The following NMNAT3 variants were observed in gnomAD, a reference collection of about 807,000 sequenced individuals.
NMNAT3 encodes nicotinamide/nicotinic acid mononucleotide adenylyltransferase 3.
Under a neutral mutation model 24.8 loss-of-function variants are expected in NMNAT3, and 21 were observed. That is an observed-to-expected ratio of 0.85 (90% CI 0.60 to 1.22). The LOEUF (loss-of-function observed/expected upper bound fraction) is 1.22. Among genes scored for constraint, NMNAT3 ranks in the 50% most tolerant of loss-of-function variants. The pLI is 0.00. For missense variants in NMNAT3, 387 were observed against 436.6 expected (o/e 0.89, Z 1.01); for synonymous variants, 136 against 155.2 (o/e 0.88, Z 0.92).
At chr3:139,630,547 AAG>A (rs1559930646) in intron 2 of NMNAT3, among the ~76,000 whole-genome samples, 1 of 152,172 alleles carries the variant, frequency 6.6e-6, no homozygotes, top group East Asian at 1.9e-4. Context: ...TTAGGAAGGG[AAG>A]TGGTGTTTTC....
intron 3 of NMNAT3, among the ~76,000 whole-genome samples, chr3:139,616,743 C>A (rs1450293062): frequency 6.6e-6 from 1 of 152,184 alleles, no homozygotes; most frequent in Non-Finnish European, 1.5e-5. Context: ...TCCCTCTGAA[C>A]TGGTTTCTCT....
chr3:139,575,624 G>T, intron 5 of NMNAT3: 1 of 1,013,384 alleles, frequency 9.9e-7, no homozygotes, highest in Non-Finnish European at 1.2e-6. Flanking sequence ...TTGAATATTA[G>T]CTGGATCTCT....
intron 3 of NMNAT3, among the ~76,000 whole-genome samples, chr3:139,594,431 A>G (rs2054347952): frequency 6.6e-6 from 1 of 152,244 alleles, no homozygotes; most frequent in South Asian, 2.1e-4. Flanking sequence ...CAATCAATAG[A>G]AAAAGAGGGA....
At chr3:139,654,008 C>T (rs1165174852) in intron 1 of NMNAT3, among the ~76,000 whole-genome samples, 1 of 152,148 alleles carries the variant, frequency 6.6e-6, no homozygotes, top group Non-Finnish European at 1.5e-5. Context: ...CCTCAGTGTC[C>T]AGGAGCTAGT....
At chr3:139,603,029 T>A (rs1471296517) in intron 3 of NMNAT3, among the ~76,000 whole-genome samples, 1 of 152,232 alleles carries the variant, frequency 6.6e-6, no homozygotes, top group Non-Finnish European at 1.5e-5. Flanking sequence ...TTATTTCAAG[T>A]GTTGTTTATA....
intron 3 of NMNAT3, among the ~76,000 whole-genome samples, chr3:139,585,746 T>C (rs2053911163): frequency 6.6e-6 from 1 of 152,182 alleles, no homozygotes; most frequent in Non-Finnish European, 1.5e-5. Context: ...TTCCTAGGGA[T>C]ATTTTATTCT....
At chr3:139,629,152 T>C (rs762092813) in intron 2 of NMNAT3, among the ~76,000 whole-genome samples, 11 of 152,206 alleles carry the variant, frequency 7.2e-5, no homozygotes, top group Non-Finnish European at 1.6e-4. Flanking sequence ...GGCTTCCCTC[T>C]TGCTCACCTC....
intron 3 of NMNAT3, chr3:139,584,406 G>A (rs295462): frequency 0.92 from 144,928 of 157,824 alleles, 67,662 homozygotes; most frequent in Non-Finnish European, 1. Context: ...CTGGCAATCA[G>A]TGGGGTGACA....
intron 3 of NMNAT3, among the ~76,000 whole-genome samples, chr3:139,624,551 C>T (rs940050266): frequency 2.0e-5 from 3 of 151,748 alleles, no homozygotes; most frequent in Admixed American, 6.6e-5. Context: ...GGATTCAAGC[C>T]GATTATCCTG....
At chr3:139,612,001 C>T (rs1049229493) in intron 3 of NMNAT3, among the ~76,000 whole-genome samples, 1 of 152,094 alleles carries the variant, frequency 6.6e-6, no homozygotes, top group African/African-American at 2.4e-5. Context: ...AACCCTGTCT[C>T]TACTAAAAAT....
intron 3 of NMNAT3, among the ~76,000 whole-genome samples, chr3:139,626,446 T>C (rs1460941583): frequency 6.6e-6 from 1 of 152,140 alleles, no homozygotes; most frequent in Non-Finnish European, 1.5e-5. Flanking sequence ...TTCTAGATGT[T>C]TGACTTGGGT....
At chr3:139,632,855 T>C (rs971168967) in intron 2 of NMNAT3, among the ~76,000 whole-genome samples, 1 of 152,194 alleles carries the variant, frequency 6.6e-6, no homozygotes, top group African/African-American at 2.4e-5. Context: ...TTATATTACA[T>C]GGCAAAAGGG....
At chr3:139,630,366 G>A (rs1037750211) in intron 2 of NMNAT3, among the ~76,000 whole-genome samples, 1 of 152,228 alleles carries the variant, frequency 6.6e-6, no homozygotes, top group Non-Finnish European at 1.5e-5. Flanking sequence ...CTGCCACAGA[G>A]TTGGGGATAC....
intron 3 of NMNAT3, among the ~76,000 whole-genome samples, chr3:139,604,428 A>T (rs990087660): frequency 3.3e-5 from 5 of 152,224 alleles, no homozygotes; most frequent in Non-Finnish European, 5.9e-5. Flanking sequence ...ATGTACAATA[A>T]TAATAAAGAG....
chr3:139,631,627 G>C (rs2056301800), intron 2 of NMNAT3, among the ~76,000 whole-genome samples: 1 of 152,142 alleles, frequency 6.6e-6, no homozygotes, highest in Non-Finnish European at 1.5e-5. Context: ...AAGGCAAACA[G>C]GTTCTACCTT....
At chr3:139,603,378 C>T (rs1256228057) in intron 3 of NMNAT3, among the ~76,000 whole-genome samples, 3 of 152,144 alleles carry the variant, frequency 2.0e-5, no homozygotes, top group African/African-American at 7.2e-5. Flanking sequence ...GCCCATGTTA[C>T]CCAGACTTAG....
At position 139,634,536 on chromosome 3, in the gene NMNAT3, T is replaced by C. The variant is rs76616352; in HGVS notation, c.-41+3427A>G. ...TCTAGGGCAATCAACCTTCATGCGATCTCCAGTACTTTTTCTTTTTAACCC... is the reference window on the plus strand; with the variant it reads ...TCTAGGGCAATCAACCTTCATGCGACCTCCAGTACTTTTTCTTTTTAACCC... On this transcript the variant is annotated intron_variant, in intron 2 of 6. Coordinates refer to ENST00000643695, the MANE Select transcript of NMNAT3 (RefSeq NM_001320510.2). The C allele has an allele frequency of 1.9e-3, 293 of 152,292 alleles. 3 individuals carry two copies. Among genetic ancestry groups the C allele is most frequent in the African/African-American group, 6.8e-3 (284 of 41,558 alleles). 9.4% of individuals were successfully genotyped at this position (152,292 alleles called of 1,614,324 possible).
At chr3:139,636,889 G>A (rs2056523267) in intron 2 of NMNAT3, 2 of 152,160 alleles carry the variant, frequency 1.3e-5, no homozygotes, top group Admixed American at 6.5e-5. Flanking sequence ...CAAACCTGTG[G>A]GACAGAAAGA....
intron 1 of NMNAT3, among the ~76,000 whole-genome samples, chr3:139,657,688 G>A (rs142070751): frequency 2.6e-5 from 4 of 152,096 alleles, no homozygotes; most frequent in East Asian, 1.9e-4. Flanking sequence ...GGTGAGGGTC[G>A]GTGACAGGAG....
Sources: gnomAD v4.1 joint callset for allele counts (sites outside exome capture counted in the v4.1 genomes callset) on GRCh38, gnomAD v4.1.1 for gene constraint, MANE v1.5 for transcripts, NCBI Gene and HGNC (gene_info 2026-07-23, HGNC 2026-07-21) for gene names.